STIM1: variants seen among roughly 807,000 people sequenced by gnomAD.
STIM1 encodes the protein stromal interaction molecule 1.
A neutral mutation model predicts 74.7 loss-of-function variants in STIM1; 25 were observed. The ratio of observed to expected loss-of-function variants is 0.33; its 90% confidence interval spans 0.24 to 0.47. The LOEUF is 0.47. Among genes scored for constraint, STIM1 ranks in the 20% least tolerant of loss-of-function variants. The probability of loss-of-function intolerance (pLI) is 1.00; values close to 1 mark genes in which losing one functional copy is unlikely to be tolerated. For missense variants in STIM1, 728 were observed against 920.8 expected, an observed-to-expected ratio of 0.79 and a Z score of 2.71; for synonymous variants, 328 against 348.8, an observed-to-expected ratio of 0.94 and a Z score of 0.66.
chr11:3,999,425 G>T (rs1457535348), intron 2 of STIM1, among the ~76,000 whole-genome samples: 1 of 152,202 alleles, frequency 6.6e-6, no homozygotes, highest in East Asian at 1.9e-4. Context: ...AGGGAGAGTG[G>T]CCAGGAAGGT....
At chr11:4,081,509 C>T (rs978666829) in intron 7 of STIM1, among the ~76,000 whole-genome samples, 1 of 152,210 alleles carries the variant, frequency 6.6e-6, no homozygotes, top group African/African-American at 2.4e-5. Flanking sequence ...TAGACGCAGT[C>T]TCTGGGCTAG....
Position 3,889,800 on chromosome 11 carries a change from G to T in STIM1, c.139+33391G>T, listed in dbSNP as rs573892956. ...GGCTAGTCTGAGTCTTTTCAAAGTTGCAGGAGATGCAGTTTTCTAGGCTTG... is the reference window on the plus strand; with the variant it reads ...GGCTAGTCTGAGTCTTTTCAAAGTTTCAGGAGATGCAGTTTTCTAGGCTTG... On this transcript the variant is annotated intron_variant, in intron 1 of 12. Transcript: ENST00000526596. Among the ~76,000 whole-genome samples the T allele has an allele frequency of 2.0e-5, 3 of 152,204 alleles. No individual in the cohort carries two copies. In the East Asian group the frequency reaches 5.8e-4, roughly 29 times the overall value.
chr11:3,902,830 A>G (rs570450148), intron 1 of STIM1, among the ~76,000 whole-genome samples: 2 of 152,284 alleles, frequency 1.3e-5, no homozygotes, highest in South Asian at 4.1e-4. Flanking sequence ...TGCCAGAAGG[A>G]GGAGCTGGGC....
intron 2 of STIM1, chr11:3,973,277 T>G (rs1461196509): frequency 1.2e-5 from 6 of 480,898 alleles, no homozygotes; most frequent in Non-Finnish European, 2.5e-5. Context: ...CAAAACCACC[T>G]CCACGACCAT....
At chr11:3,877,577 A>G (rs2091347651) in intron 1 of STIM1, among the ~76,000 whole-genome samples, 3 of 152,226 alleles carry the variant, frequency 2.0e-5, no homozygotes, top group Middle Eastern at 3.4e-3. Context: ...TCTGTTCCGG[A>G]TCAGTTGTAA....
At chr11:4,066,280 G>C (rs368799492) in intron 5 of STIM1, among the ~76,000 whole-genome samples, 74 of 152,312 alleles carry the variant, frequency 4.9e-4, no homozygotes, top group Middle Eastern at 6.8e-3. Context: ...GGTAGATTCT[G>C]AGAGCTGAGT....
At chr11:4,060,348 A>T (rs2094322115) in intron 5 of STIM1, among the ~76,000 whole-genome samples, 1 of 152,222 alleles carries the variant, frequency 6.6e-6, no homozygotes, top group Admixed American at 6.5e-5. Context: ...ATGCTATTGA[A>T]CCAGGAAACA....
intron 2 of STIM1, among the ~76,000 whole-genome samples, chr11:3,981,303 C>T (rs2093502949): frequency 6.6e-6 from 1 of 152,170 alleles, no homozygotes; most frequent in Admixed American, 6.5e-5. Context: ...TGGCATGAAC[C>T]TTATGTTTGT....
At chr11:4,088,587 C>A in intron 12 of STIM1, 2 of 937,552 alleles carry the variant, frequency 2.1e-6, no homozygotes, top group Non-Finnish European at 3.3e-6. Context: ...CTAAGGGATG[C>A]TGTGAATTCC....
rs543707864 is a variant in STIM1 at position 4,032,596 on chromosome 11, G to C, written c.385+8609G>C. ...ATAGGATTGCATTGAATCTATAGAT[G>C]AGTTTGAGAGAACTGACATCTTCAA... On this transcript the variant is annotated intron_variant, in intron 3 of 12. Coordinates refer to ENST00000526596, the MANE Select transcript of STIM1 (RefSeq NM_001382567.1). 1.9e-3 allele frequency among the ~76,000 whole-genome samples: 293 copies of C among 152,304 alleles called. 4 individuals carry two copies. Among genetic ancestry groups the C allele is most frequent in the African/African-American group, 6.8e-3 (282 of 41,576 alleles).
intron 1 of STIM1, chr11:3,887,977 A>AG: frequency 7.1e-6 from 1 of 141,820 alleles, no homozygotes; most frequent in Non-Finnish European, 1.6e-5. Context: ...CTCAAAAAAA[A>AG]AAAAAAAAAA....
Position 3,899,848 on chromosome 11 carries a change from T to G in STIM1, c.139+43439T>G, listed in dbSNP as rs1279263764. 2.6e-5 allele frequency among the ~76,000 whole-genome samples: 4 copies of G among 151,988 alleles called. No homozygotes were observed. In the East Asian group the frequency reaches 7.7e-4, roughly 29 times the overall value. On this transcript the variant is annotated intron_variant, in intron 1 of 12. Coordinates refer to ENST00000526596, the MANE Select transcript of STIM1 (RefSeq NM_001382567.1). ...TGATTTGTGTATATTGAACCAGCCT[T>G]GCATCCCAGGGATGAAGCCCACTTG...
intron 1 of STIM1, among the ~76,000 whole-genome samples, chr11:3,911,557 A>C (rs1043147692): frequency 1.3e-5 from 2 of 151,876 alleles, no homozygotes; most frequent in African/African-American, 4.8e-5. Context: ...GCTAACTTTA[A>C]AATTTTTTTT....
chr11:3,877,351 TG>T (rs2091338003), intron 1 of STIM1, among the ~76,000 whole-genome samples: 1 of 152,146 alleles, frequency 6.6e-6, no homozygotes, highest in African/African-American at 2.4e-5. Flanking sequence ...ATGGTCTTCA[TG>T]GGAGGGCTGG....
chr11:4,069,441 A>G (rs968562867), intron 5 of STIM1, among the ~76,000 whole-genome samples: 7 of 152,040 alleles, frequency 4.6e-5, no homozygotes, highest in African/African-American at 1.7e-4. Flanking sequence ...CCTGTTCTAG[A>G]GTCTCTGGAT....
At chr11:3,984,324 G>A (rs1486031388) in intron 2 of STIM1, among the ~76,000 whole-genome samples, 1 of 152,164 alleles carries the variant, frequency 6.6e-6, no homozygotes, top group Non-Finnish European at 1.5e-5. Context: ...TCCTGGTGCA[G>A]TCATCATCTT....
At chr11:3,973,396 G>A in intron 2 of STIM1, 1 of 388,734 alleles carries the variant, frequency 2.6e-6, no homozygotes, top group East Asian at 6.2e-5. Context: ...TTCACAGTAT[G>A]GTATTTCTTT....
chr11:3,991,950 C>CAAAAAAAAAAAAAAAAAAAAAA (rs1230185435), intron 2 of STIM1, among the ~76,000 whole-genome samples: 1 of 36,692 alleles, frequency 2.7e-5, no homozygotes, highest in Non-Finnish European at 4.4e-5. Flanking sequence ...AACTCCATCT[C>CAAAAAAAAAAAAAAAAAAAAAA]AAAAAAAAAA....
chr11:4,075,002 G>A (rs2133188574), intron 7 of STIM1, among the ~76,000 whole-genome samples: 1 of 152,234 alleles, frequency 6.6e-6, no homozygotes, highest in East Asian at 1.9e-4. Context: ...TTAGCCGGGT[G>A]TGGCGGCGGG....
Sources: allele counts gnomAD v4.1 joint callset (sites outside exome capture counted in the v4.1 genomes callset), GRCh38; gene constraint gnomAD v4.1.1; transcripts MANE v1.5; gene names NCBI Gene and HGNC (gene_info 2026-07-23, HGNC 2026-07-21).